Variants in KCNJ6 observed in about 807,000 individuals in gnomAD.
KCNJ6 encodes potassium inwardly rectifying channel subfamily J member 6, also known as G protein-activated inward rectifier potassium channel 2.
KCNJ6 carries 9 observed loss-of-function variants against 34.2 expected under a neutral mutation model. The ratio of observed to expected loss-of-function variants is 0.26; its 90% confidence interval spans 0.16 to 0.46. KCNJ6 has a LOEUF of 0.46. Among genes scored for constraint, KCNJ6 ranks in the 20% least tolerant of loss-of-function variants. KCNJ6 has a pLI of 1.00. For missense variants in KCNJ6, 236 were observed against 531.3 expected, an observed-to-expected ratio of 0.44 and a Z score of 5.46; for synonymous variants, 196 against 207.1, an observed-to-expected ratio of 0.95 and a Z score of 0.46.
At chr21:37,697,021 G>A (rs1357728580) in intron 3 of KCNJ6, among the ~76,000 whole-genome samples, 21 of 152,172 alleles carry the variant, frequency 1.4e-4, no homozygotes, top group Admixed American at 1.4e-3. Flanking sequence ...ACTCTCCTGT[G>A]GTTTGGATCC....
intron 2 of KCNJ6, among the ~76,000 whole-genome samples, chr21:37,785,988 G>C (rs1601470540): frequency 6.6e-6 from 1 of 152,340 alleles, no homozygotes. Context: ...GGACTTCGGA[G>C]CCTCCAGAGC....
At chr21:37,648,916 G>A (rs1330582029) in intron 3 of KCNJ6, among the ~76,000 whole-genome samples, 1 of 152,014 alleles carries the variant, frequency 6.6e-6, no homozygotes, top group African/African-American at 2.4e-5. Context: ...CAGATCACCT[G>A]AGGTCAGGAA....
chr21:37,614,050 A>T lies in KCNJ6; in HGVS notation c.*11109T>A, dbSNP rs745685154. The T allele has an allele frequency of 3.3e-5, 5 of 152,088 alleles. No homozygotes were observed. Among genetic ancestry groups the T allele is most frequent in the African/African-American group, 7.2e-5 (3 of 41,396 alleles). The allele number at this position is 152,088 out of a possible 1,614,324, so 9.4% of individuals were successfully genotyped here. A position where few individuals can be genotyped will look rare whatever the true frequency, so the allele number is the denominator to read the frequency against. On this transcript the variant is annotated 3_prime_UTR_variant, in exon 4 of 4. Coordinates refer to ENST00000609713, the MANE Select transcript of KCNJ6 (RefSeq NM_002240.5). Reference sequence around the variant, plus strand: ...GTAATTTCTGCTCTATTTTGCTGTGAAGTTAATGCTGCTCTAAAAAATAAA... The same window carrying T: ...GTAATTTCTGCTCTATTTTGCTGTGTAGTTAATGCTGCTCTAAAAAATAAA...
intron 1 of KCNJ6, among the ~76,000 whole-genome samples, chr21:37,851,901 T>C (rs2055539667): frequency 6.8e-6 from 1 of 147,202 alleles, no homozygotes; most frequent in African/African-American, 2.6e-5. Context: ...TCTGAGTTCT[T>C]TTTTTTTTTT....
chr21:37,830,005 A>AATCAG (rs2055417831), intron 2 of KCNJ6, among the ~76,000 whole-genome samples: 2 of 152,274 alleles, frequency 1.3e-5, no homozygotes, highest in East Asian at 3.9e-4. Context: ...CTCTGCTCAG[A>AATCAG]ATCAGGGTCC....
chr21:37,624,937 G>A lies in KCNJ6; in HGVS notation c.*222C>T, dbSNP rs746717511. ...AGACCAGGCTTGGGCCACAAATGAG[G>A]GCACTTTGCACTTTCATCAAATCCA... On this transcript the variant is annotated 3_prime_UTR_variant, in exon 4 of 4. Transcript: ENST00000609713. 2 of 569,732 alleles carry A rather than the reference G, an allele frequency of 3.5e-6. No individual in the cohort carries two copies. Among genetic ancestry groups the A allele is most frequent in the East Asian group, 2.9e-5 (1 of 34,388 alleles). The allele number at this position is 569,732 out of a possible 1,614,324, so 35.3% of individuals were successfully genotyped here. A position where few individuals can be genotyped will look rare whatever the true frequency, so the allele number is the denominator to read the frequency against.
intron 2 of KCNJ6, among the ~76,000 whole-genome samples, chr21:37,818,207 C>CGTGTGT (rs1281572811): frequency 0.13 from 10,358 of 80,768 alleles, 484 homozygotes; most frequent in Admixed American, 0.21. Flanking sequence ...TGTGTGTGTG[C>CGTGTGT]GTGCGTGTGT....
At chr21:37,679,856 A>G (rs2054583015) in intron 3 of KCNJ6, among the ~76,000 whole-genome samples, 1 of 152,246 alleles carries the variant, frequency 6.6e-6, no homozygotes, top group African/African-American at 2.4e-5. Flanking sequence ...GGTTGGAAAA[A>G]TCTTCAACAT....
At chr21:37,848,057 C>CAA (rs2055518754) in intron 1 of KCNJ6, among the ~76,000 whole-genome samples, 1 of 152,164 alleles carries the variant, frequency 6.6e-6, no homozygotes. Flanking sequence ...CTGGCATGGA[C>CAA]AATGAGGACA....
intron 1 of KCNJ6, among the ~76,000 whole-genome samples, chr21:37,896,297 A>G (rs1316438701): frequency 6.6e-6 from 1 of 152,204 alleles, no homozygotes; most frequent in Non-Finnish European, 1.5e-5. Context: ...CATTATTAGG[A>G]TTACAACTCA....
chr21:37,850,139 T>C (rs1250112976), intron 1 of KCNJ6, among the ~76,000 whole-genome samples: 2 of 152,202 alleles, frequency 1.3e-5, no homozygotes, highest in Non-Finnish European at 2.9e-5. Context: ...AAGAAATCCC[T>C]GATTCCTTTT....
chr21:37,850,629 T>A (rs1433080547), intron 1 of KCNJ6, among the ~76,000 whole-genome samples: 1 of 151,594 alleles, frequency 6.6e-6, no homozygotes, highest in Non-Finnish European at 1.5e-5. Context: ...GCCAAAAAGG[T>A]TGGAGGCTGC....
chr21:37,728,397 A>G (rs1360789600), intron 2 of KCNJ6, among the ~76,000 whole-genome samples: 1 of 152,232 alleles, frequency 6.6e-6, no homozygotes, highest in Non-Finnish European at 1.5e-5. Context: ...CCTTGAATGT[A>G]TCATTGAAGT....
chr21:37,816,242 C>A (rs1428267511), intron 2 of KCNJ6, among the ~76,000 whole-genome samples: 2 of 152,156 alleles, frequency 1.3e-5, no homozygotes, highest in Non-Finnish European at 2.9e-5. Flanking sequence ...CTGCAGGGAC[C>A]AAGCATAGGT....
chr21:37,815,899 G>A (rs1180306225), intron 2 of KCNJ6, among the ~76,000 whole-genome samples: 2 of 152,186 alleles, frequency 1.3e-5, no homozygotes, highest in Non-Finnish European at 2.9e-5. Context: ...CGCATGACAC[G>A]GCAGGCAGTG....
intron 3 of KCNJ6, among the ~76,000 whole-genome samples, chr21:37,665,461 G>A (rs1028693336): frequency 2.0e-5 from 3 of 152,170 alleles, no homozygotes; most frequent in African/African-American, 7.2e-5. Context: ...CATGGGAATC[G>A]GAAGTAGCTC....
At chr21:37,778,790 A>G (rs1209121723) in intron 2 of KCNJ6, among the ~76,000 whole-genome samples, 1 of 150,988 alleles carries the variant, frequency 6.6e-6, no homozygotes, top group African/African-American at 2.4e-5. Flanking sequence ...CCTCCCCAGC[A>G]TGTGTACCCC....
intron 2 of KCNJ6, among the ~76,000 whole-genome samples, chr21:37,774,124 A>G (rs2835954): frequency 0.43 from 65,326 of 151,898 alleles, 15,284 homozygotes; most frequent in African/African-American, 0.61. Flanking sequence ...CCTTACTGAT[A>G]GCATAACAGG....
chr21:37,722,448 T>C (rs1326224454), intron 2 of KCNJ6, among the ~76,000 whole-genome samples: 1 of 152,208 alleles, frequency 6.6e-6, no homozygotes, highest in African/African-American at 2.4e-5. Context: ...GTTCTAAAAT[T>C]CATATGGAAC....
Sources: gnomAD v4.1 joint callset for allele counts (sites outside exome capture counted in the v4.1 genomes callset) on GRCh38, gnomAD v4.1.1 for gene constraint, MANE v1.5 for transcripts, NCBI Gene and HGNC (gene_info 2026-07-23, HGNC 2026-07-21) for gene names.